The following CRIP2 variants were observed in gnomAD, a reference collection of about 807,000 sequenced individuals.
CRIP2 encodes cysteine-rich protein 2.
In CRIP2, 31 loss-of-function variants were observed where a neutral mutation model predicts 31.3. The observed-to-expected ratio is 0.99, with a 90% confidence interval of 0.74 to 1.34. The LOEUF is 1.34. Among genes scored for constraint, CRIP2 ranks in the 40% most tolerant of loss-of-function variants. The probability of loss-of-function intolerance (pLI) is 0.00; values close to 1 mark genes in which losing one functional copy is unlikely to be tolerated. For synonymous variants in CRIP2, 177 were observed against 127.2 expected, an observed-to-expected ratio of 1.39 and a Z score of -2.63; for missense variants, 389 against 301.6, an observed-to-expected ratio of 1.29 and a Z score of -2.15.
rs375776764 is a variant in CRIP2 at position 105,479,570 on chromosome 14, C to T, written c.560-16C>T. 62 of 1,612,694 alleles carry T rather than the reference C, an allele frequency of 3.8e-5. No homozygotes were observed. The highest frequency in any genetic ancestry group is 4.7e-5 in the Non-Finnish European group (56 of 1,179,932). Reference sequence around the variant, plus strand: ...CCACTGTTCCCCCGACCCACCCCAGCGGCCTCCCTCCACAGGAGTGAACAC... The same window carrying T: ...CCACTGTTCCCCCGACCCACCCCAGTGGCCTCCCTCCACAGGAGTGAACAC... On this transcript the variant is annotated splice_polypyrimidine_tract_variant and intron_variant, in intron 7 of 7. Transcript: ENST00000329146.
chr14:105,478,204 G>A lies in CRIP2; in HGVS notation c.44-62G>A. On this transcript the variant is annotated intron_variant, in intron 1 of 7. Transcript: ENST00000329146. This position sits in a 1 kb window ranked among gnomAD's most constrained non-coding sequence, Gnocchi z 4.9. ...CGCGTGGGGGTGGTGGCTGCCAGGT[G>A]GGGGCGGAGGGGGTGCGGGGCGCGC... The A allele has an allele frequency of 7.6e-7, 1 of 1,319,220 alleles. No homozygotes were observed. The highest frequency in any genetic ancestry group is 1.0e-6 in the Non-Finnish European group (1 of 998,100). The allele number at this position is 1,319,220 out of a possible 1,614,324, so 81.7% of individuals were successfully genotyped here. A position where few individuals can be genotyped will look rare whatever the true frequency, so the allele number is the denominator to read the frequency against.
chr14:105,474,929 C>G lies in CRIP2; in HGVS notation c.43+24C>G. The stretch of plus-strand genomic sequence containing the variant: ...CGGTGAGTGCGTGCCCGCTCCCGGC[C>G]CGCTCGGTGCATCCCGCCGCCCTTC... On this transcript the variant is annotated intron_variant, in intron 1 of 7. Coordinates refer to ENST00000329146, the MANE Select transcript of CRIP2 (RefSeq NM_001312.4). This position sits in a 1 kb window ranked among gnomAD's most constrained non-coding sequence, Gnocchi z 5.1. 1 of 1,498,664 alleles carries G rather than the reference C, an allele frequency of 6.7e-7. No homozygotes were observed. Among genetic ancestry groups the G allele is most frequent in the Non-Finnish European group, 8.9e-7 (1 of 1,122,980 alleles). 92.8% of individuals were successfully genotyped at this position (1,498,664 alleles called of 1,614,324 possible).
At chr14:105,476,677 A>G in intron 1 of CRIP2, 2 of 985,420 alleles carry the variant, frequency 2.0e-6, no homozygotes, top group Non-Finnish European at 2.4e-6. Flanking sequence ...GCCGATAGCC[A>G]CCGAGACTTC....
In CRIP2 at chr14:105,479,483, C is replaced by A. The variant is rs781783153; in HGVS notation, c.549C>A (p.Phe183Leu). ...YCHKPCYGIL[F>L]GPKGVNTGAV... The stretch of plus-strand genomic sequence containing the variant: ...ACAAGCCCTGCTATGGAATCCTCTT[C>A]GGACCCAAGGGTGAGTGTAGCCAGG... The change falls in exon 7 of 8, where the codon TTC (phenylalanine) becomes TTA (leucine). Residue 183 changes from phenylalanine to leucine, a missense_variant. By Grantham distance (22) the Phe-to-Leu change is conservative. Transcript: ENST00000329146. 1 of 1,613,030 alleles carries A rather than the reference C, an allele frequency of 6.2e-7. No individual in the cohort carries two copies. The highest frequency in any genetic ancestry group is 8.5e-7 in the Non-Finnish European group (1 of 1,179,974).
chr14:105,477,751 G>A (rs1372850791), intron 1 of CRIP2: 1 of 34,016 alleles, frequency 2.9e-5, no homozygotes, highest in Non-Finnish European at 6.4e-5. Flanking sequence ...GCGGGCGTGT[G>A]GGGGAGGCGG....
At position 105,478,408 on chromosome 14, in the gene CRIP2, G is replaced by A; in HGVS notation, c.139-42G>A. The A allele has an allele frequency of 1.3e-6, 2 of 1,583,790 alleles. No homozygotes were observed. The highest frequency in any genetic ancestry group is 1.7e-6 in the Non-Finnish European group (2 of 1,169,482). On this transcript the variant is annotated intron_variant, in intron 2 of 7. Coordinates refer to ENST00000329146, the MANE Select transcript of CRIP2 (RefSeq NM_001312.4). This position sits in a 1 kb window ranked among gnomAD's most constrained non-coding sequence, Gnocchi z 4.9. ...GGCGGGGGCGGGGGTCGCGACTCCC[G>A]CCACCCTCAGGCAGGGTCCTGACCC...
upstream of CRIP2, chr14:105,474,706 C>T (rs2083894232): frequency 8.2e-6 from 8 of 971,700 alleles, no homozygotes; most frequent in Non-Finnish European, 9.8e-6. This position sits in a 1 kb window ranked among gnomAD's most constrained non-coding sequence, Gnocchi z 5.1. Flanking sequence ...CGCGGCGCCC[C>T]CAGGCGGCCC....
rs995385687 is a variant in CRIP2, at chr14:105,479,947, G to A, written c.*294G>A. On this transcript the variant is annotated 3_prime_UTR_variant, in exon 8 of 8. Coordinates refer to ENST00000329146, the MANE Select transcript of CRIP2 (RefSeq NM_001312.4). Reference sequence around the variant, plus strand: ...CGCCGACCCTGCGTGTCCCCGTGGCGCTGTCCGCTCTCCCTCTCCTGCTGC... The same window carrying A: ...CGCCGACCCTGCGTGTCCCCGTGGCACTGTCCGCTCTCCCTCTCCTGCTGC... The A allele has an allele frequency of 6.4e-6, 3 of 467,318 alleles. No individual in the cohort carries two copies. Among genetic ancestry groups the A allele is most frequent in the African/African-American group, 2.0e-5 (1 of 50,754 alleles). 28.9% of individuals were successfully genotyped at this position (467,318 alleles called of 1,614,324 possible).
intron 1 of CRIP2, chr14:105,476,243 A>G (rs1555435785): frequency 5.1e-6 from 5 of 985,292 alleles, no homozygotes; most frequent in African/African-American, 1.7e-5. Flanking sequence ...GTCTCGGCCA[A>G]CAGTCCTGTG....
At chr14:105,477,590 C>A in intron 1 of CRIP2, 1 of 936,560 alleles carries the variant, frequency 1.1e-6, no homozygotes, top group Non-Finnish European at 1.2e-6. Flanking sequence ...AGCAGGTGCA[C>A]TGCAGAGGCA....
intron 1 of CRIP2, chr14:105,475,191 T>A (rs773779063): frequency 3.1e-6 from 1 of 323,446 alleles, no homozygotes; most frequent in Non-Finnish European, 5.6e-6. Context: ...GGCCAGTGTT[T>A]GGGGGAGCGC....
In CRIP2 at chr14:105,478,974, C is replaced by T. The variant is rs1198272954; in HGVS notation, c.338-5C>T. 11 of 1,565,264 alleles carry T rather than the reference C, an allele frequency of 7.0e-6. No individual in the cohort carries two copies. The highest frequency in any genetic ancestry group is 5.4e-5 in the African/African-American group (4 of 73,534). The stretch of plus-strand genomic sequence containing the variant: ...CCGCCCCGCCCTGACTCGTGCGCCC[C>T]ACAGCCTCCAGTGTCACCACTTTCA... On this transcript the variant is annotated splice_region_variant and splice_polypyrimidine_tract_variant and intron_variant, in intron 4 of 7. Transcript: ENST00000329146. This position sits in a 1 kb window ranked among gnomAD's most constrained non-coding sequence, Gnocchi z 4.9.
Position 105,478,548 on chromosome 14 carries a change from G to C in CRIP2, c.196+41G>C, listed in dbSNP as rs1471944539. On this transcript the variant is annotated intron_variant, in intron 3 of 7. Coordinates refer to ENST00000329146, the MANE Select transcript of CRIP2 (RefSeq NM_001312.4). The surrounding 1 kb of genome is among the most constrained non-coding windows in gnomAD (Gnocchi z 4.9). ...CCTCGGCCTGCCCTGGGACCTGCTG[G>C]GAGGGGCGTGGCGCTGGCGCTGGGG... 10 of 1,585,782 alleles carry C rather than the reference G, an allele frequency of 6.3e-6. No individual in the cohort carries two copies. Among genetic ancestry groups the C allele is most frequent in the Non-Finnish European group, 8.6e-6 (10 of 1,167,892 alleles).
upstream of CRIP2, chr14:105,473,631 C>T (rs2141741746): frequency 7.7e-7 from 1 of 1,292,198 alleles, no homozygotes; most frequent in South Asian, 1.5e-5. Flanking sequence ...CCCAGGCCGA[C>T]GCTCAGCTGG....
rs1169555806 is a variant in CRIP2, at chr14:105,479,889, G to A, written c.*236G>A. On this transcript the variant is annotated 3_prime_UTR_variant, in exon 8 of 8. Transcript: ENST00000329146. ...TGATCCCTTCTGTGTCTGCGTGTCC[G>A]AATCCCCGTGTGACCCTGTCCCAGC... The A allele has an allele frequency of 1.2e-5, 7 of 576,872 alleles. No individual in the cohort carries two copies. The highest frequency in any genetic ancestry group is 6.0e-5 in the Admixed American group (2 of 33,084). The allele number at this position is 576,872 out of a possible 1,614,324, so 35.7% of individuals were successfully genotyped here.
rs1056734105 is a variant in CRIP2 at position 105,479,502 on chromosome 14, A to G, written c.559+9A>G. On this transcript the variant is annotated intron_variant, in intron 7 of 7. Transcript: ENST00000329146. ...CCTCTTCGGACCCAAGGGTGAGTGT[A>G]GCCAGGGTGGTCCACGATGTCTTCC... 1 of 1,612,922 alleles carries G rather than the reference A, an allele frequency of 6.2e-7. No individual in the cohort carries two copies. The highest frequency in any genetic ancestry group is 8.5e-7 in the Non-Finnish European group (1 of 1,179,936).
chr14:105,479,308 G>A, intron 6 of CRIP2, 89 bp downstream of exon 6: 1 of 1,514,094 alleles, frequency 6.6e-7, no homozygotes, highest in Non-Finnish European at 9.0e-7. Context: ...GGGGATGGGG[G>A]GTGGTGCTTC....
Position 105,478,222 on chromosome 14 carries a change from G to T in CRIP2, c.44-44G>T. 7.0e-7 allele frequency: 1 copy of T among 1,424,482 alleles called. No homozygotes were observed. Among genetic ancestry groups the T allele is most frequent in the Non-Finnish European group, 9.2e-7 (1 of 1,081,880 alleles). The allele number at this position is 1,424,482 out of a possible 1,614,324, so 88.2% of individuals were successfully genotyped here. A position where few individuals can be genotyped will look rare whatever the true frequency, so the allele number is the denominator to read the frequency against. On this transcript the variant is annotated intron_variant, in intron 1 of 7. Coordinates refer to ENST00000329146, the MANE Select transcript of CRIP2 (RefSeq NM_001312.4). The surrounding 1 kb of genome is among the most constrained non-coding windows in gnomAD (Gnocchi z 4.9). Reference sequence around the variant, plus strand: ...GCCAGGTGGGGGCGGAGGGGGTGCGGGGCGCGCCCCGGCCCTGACCCCCCT... The same window carrying T: ...GCCAGGTGGGGGCGGAGGGGGTGCGTGGCGCGCCCCGGCCCTGACCCCCCT...
chr14:105,473,478 A>G (rs1555435176), upstream of CRIP2: 1 of 1,535,628 alleles, frequency 6.5e-7, no homozygotes. Flanking sequence ...TGGTTGGCTC[A>G]CAAACATGCC....
Sources: gnomAD v4.1 joint callset for allele counts on GRCh38, gnomAD v4.1.1 for gene constraint, Gnocchi (gnomAD v3.1) non-coding constraint, MANE v1.5 for transcripts, NCBI Gene and HGNC (gene_info 2026-07-23, HGNC 2026-07-21) for gene names.